The following CD109 variants were observed in gnomAD, a reference collection of about 807,000 sequenced individuals.
CD109 encodes the protein CD109 antigen.
A neutral mutation model predicts 165.8 loss-of-function variants in CD109; 149 were observed. That is an observed-to-expected ratio of 0.90 (90% CI 0.79 to 1.03). The LOEUF is 1.03. Among genes scored for constraint, CD109 ranks in the 50% least tolerant of loss-of-function variants. CD109 has a pLI of 0.00. For synonymous variants in CD109, 585 were observed against 592.1 expected, an observed-to-expected ratio of 0.99 and a Z score of 0.18; for missense variants, 1,712 against 1,677.8, an observed-to-expected ratio of 1.02 and a Z score of -0.36.
intron 5 of CD109, among the ~76,000 whole-genome samples, chr6:73,746,007 GGCATAA>G (rs1344330392): frequency 2.0e-5 from 3 of 152,218 alleles, no homozygotes; most frequent in Admixed American, 1.3e-4. Flanking sequence ...TGGGATTATA[GGCATAA>G]GCCACTGTGC....
chr6:73,745,936 GC>G, intron 5 of CD109, among the ~76,000 whole-genome samples: 1 of 152,284 alleles, frequency 6.6e-6, no homozygotes, highest in Non-Finnish European at 1.5e-5. Flanking sequence ...CGCCACATTG[GC>G]CAGGCTGGTC....
At chr6:73,760,235 G>A (rs1172613055) in intron 7 of CD109, among the ~76,000 whole-genome samples, 2 of 151,460 alleles carry the variant, frequency 1.3e-5, no homozygotes, top group Admixed American at 6.6e-5. Flanking sequence ...GTGAAACCCC[G>A]TCTCTACTGA....
intron 4 of CD109, among the ~76,000 whole-genome samples, chr6:73,734,768 C>G (rs1311300621): frequency 2.6e-5 from 4 of 152,180 alleles, no homozygotes; most frequent in African/African-American, 4.8e-5. Flanking sequence ...TAATAACTGG[C>G]CCCACTCACT....
In CD109 at chr6:73,826,232, A is replaced by G. The variant is rs560256441; in HGVS notation, c.*2599A>G. 6.6e-6 allele frequency: 1 copy of G among 152,352 alleles called. No homozygotes were observed. The highest frequency in any genetic ancestry group is 2.4e-5 in the African/African-American group (1 of 41,594). 9.4% of individuals were successfully genotyped at this position (152,352 alleles called of 1,614,324 possible). Reference sequence around the variant, plus strand: ...GCATAAGGAGAAAAGGAGTATATGTAGTAGTAATAATTACTAGTATAAATT... The same window carrying G: ...GCATAAGGAGAAAAGGAGTATATGTGGTAGTAATAATTACTAGTATAAATT... On this transcript the variant is annotated 3_prime_UTR_variant, in exon 33 of 33. Coordinates refer to ENST00000287097, the MANE Select transcript of CD109 (RefSeq NM_133493.5).
At chr6:73,715,182 C>A (rs1341697789) in intron 2 of CD109, among the ~76,000 whole-genome samples, 2 of 151,984 alleles carry the variant, frequency 1.3e-5, no homozygotes, top group Non-Finnish European at 2.9e-5. Context: ...ATCTCTTGAA[C>A]CCGGGAGGTG....
intron 4 of CD109, among the ~76,000 whole-genome samples, chr6:73,732,191 T>G (rs1461061826): frequency 1.3e-5 from 2 of 152,228 alleles, no homozygotes; most frequent in Admixed American, 6.5e-5. Context: ...CATTGGTTAC[T>G]CCAGATATTC....
At chr6:73,766,674 C>CATCATGAACAA in intron 11 of CD109, 85 bp from the exon 12 acceptor site, 2 of 967,608 alleles carry the variant, frequency 2.1e-6, no homozygotes, top group South Asian at 1.6e-5. Context: ...TGAATTTGGT[C>CATCATGAACAA]TTTAATAATT....
At position 73,806,900 on chromosome 6, in the gene CD109, A is replaced by G; in HGVS notation, c.3017A>G (p.Asp1006Gly). 6.2e-7 allele frequency: 1 copy of G among 1,613,894 alleles called. No individual in the cohort carries two copies. The highest frequency in any genetic ancestry group is 8.5e-7 in the Non-Finnish European group (1 of 1,179,950). The change falls in exon 25 of 33, where the codon GAT (aspartate) becomes GGT (glycine). Residue 1006 changes from aspartate to glycine, a missense_variant. Transcript: ENST00000287097. ...GAAGCCGATCCTTACATAGATATTG[A>G]TCAGAATGTGTTACACAGAACATAC... Reference protein sequence around the residue: ...FLEADPYIDIDQNVLHRTYTW... With the variant: ...FLEADPYIDIGQNVLHRTYTW...
At chr6:73,703,264 T>C (rs1771147303) in intron 2 of CD109, among the ~76,000 whole-genome samples, 4 of 152,256 alleles carry the variant, frequency 2.6e-5, no homozygotes, top group Admixed American at 2.6e-4. Context: ...TGCAGTTGTC[T>C]TCCACTAAAA....
chr6:73,790,938 T>C (rs1379427351), intron 22 of CD109, among the ~76,000 whole-genome samples: 2 of 151,976 alleles, frequency 1.3e-5, no homozygotes, highest in African/African-American at 4.8e-5. Flanking sequence ...TATATAGTTG[T>C]GCTTTACAAA....
intron 26 of CD109, 50 bp downstream of exon 26, chr6:73,808,298 C>A: frequency 6.5e-7 from 1 of 1,547,568 alleles, no homozygotes; most frequent in Non-Finnish European, 8.7e-7. Flanking sequence ...AAATATATAA[C>A]TTACATGAGA....
intron 5 of CD109, among the ~76,000 whole-genome samples, chr6:73,743,814 C>A (rs1772878824): frequency 6.6e-6 from 1 of 152,194 alleles, no homozygotes; most frequent in African/African-American, 2.4e-5. Context: ...AAAATACTTT[C>A]ACTAGTCTTT....
upstream of CD109, chr6:73,695,624 T>C (rs890044227): frequency 6.6e-6 from 1 of 152,154 alleles, no homozygotes; most frequent in Non-Finnish European, 1.5e-5. Context: ...GGAAAAATAG[T>C]TTTTCTGTTT....
chr6:73,730,456 C>CCT lies in CD109; in HGVS notation c.389_390insCT (p.Val131LeufsTer17). The CCT allele has an allele frequency of 6.2e-7, 1 of 1,613,252 alleles. No homozygotes were observed. Among genetic ancestry groups the CCT allele is most frequent in the East Asian group, 2.2e-5 (1 of 44,862 alleles). On this transcript the variant is annotated frameshift_variant, in exon 4 of 33. Coordinates refer to ENST00000287097, the MANE Select transcript of CD109 (RefSeq NM_133493.5). LOFTEE classifies it high-confidence loss of function. ...TTATCATTTGAGACCAAGAGAATATCTGTCTTCATTCAAACAGACAAGGCC... is the reference window on the plus strand; with the variant it reads ...TTATCATTTGAGACCAAGAGAATATCCTTGTCTTCATTCAAACAGACAAGGCC...
intron 2 of CD109, among the ~76,000 whole-genome samples, chr6:73,709,893 G>C (rs370809130): frequency 6.6e-6 from 1 of 152,002 alleles, no homozygotes; most frequent in African/African-American, 2.4e-5. Context: ...ATTCAACAGC[G>C]CTTCATGCTA....
chr6:73,798,944 C>G (rs1235050199), intron 23 of CD109, among the ~76,000 whole-genome samples: 1 of 152,150 alleles, frequency 6.6e-6, no homozygotes, highest in Non-Finnish European at 1.5e-5. Flanking sequence ...GATTGAGGGC[C>G]TCAAACCTAT....
At chr6:73,682,970 A>T in the CD109 span, among the ~76,000 whole-genome samples, 1 of 152,204 alleles carries the variant, frequency 6.6e-6, no homozygotes, top group East Asian at 1.9e-4. Flanking sequence ...GGCCCAGCCC[A>T]TGAAATCACT....
At chr6:73,780,272 A>C in intron 15 of CD109, 152 bp from the exon 16 acceptor site, 1 of 675,600 alleles carries the variant, frequency 1.5e-6, no homozygotes, top group Non-Finnish European at 2.7e-6. Flanking sequence ...TGACTGACTG[A>C]TGAACAAAGC....
At chr6:73,794,113 A>T (rs1485486757) in intron 23 of CD109, among the ~76,000 whole-genome samples, 2 of 152,226 alleles carry the variant, frequency 1.3e-5, no homozygotes, top group Admixed American at 6.5e-5. Context: ...ATGTAATGAC[A>T]GTAATAACAA....
Sources: allele counts gnomAD v4.1 joint callset (sites outside exome capture counted in the v4.1 genomes callset), GRCh38; gene constraint gnomAD v4.1.1; transcripts MANE v1.5; gene names NCBI Gene and HGNC (gene_info 2026-07-23, HGNC 2026-07-21).